Variants in UTRN observed in about 807,000 individuals in gnomAD.
UTRN encodes dystrophin-related protein 1.
UTRN carries 283 observed loss-of-function variants against 463.9 expected under a neutral mutation model. The ratio of observed to expected loss-of-function variants is 0.61; its 90% CI spans 0.55 to 0.67. The LOEUF is 0.67. UTRN is among the 30% of genes least tolerant of loss of function. UTRN has a pLI of 0.00. For missense variants in UTRN, 3,922 were observed against 4,084.3 expected (o/e 0.96, Z 1.08); for synonymous variants, 1,442 against 1,431.5 (o/e 1.01, Z -0.17).
At chr6:144,501,149 C>T (rs1019386034) in intron 34 of UTRN, among the ~76,000 whole-genome samples, 2 of 152,060 alleles carry the variant, frequency 1.3e-5, no homozygotes, top group South Asian at 4.1e-4. Context: ...TCATGAAAAG[C>T]GTGATCATGC....
At chr6:144,634,181 A>C (rs918364982) in intron 51 of UTRN, among the ~76,000 whole-genome samples, 8 of 152,242 alleles carry the variant, frequency 5.3e-5, no homozygotes, top group African/African-American at 1.7e-4. Context: ...AGTGATCAAG[A>C]ATTCAGGATT....
intron 58 of UTRN, among the ~76,000 whole-genome samples, chr6:144,767,165 A>G (rs1248005787): frequency 2.0e-5 from 3 of 152,124 alleles, no homozygotes; most frequent in Admixed American, 6.6e-5. Context: ...TTATTAGGGA[A>G]TATAGTGCAG....
At chr6:144,779,068 A>C (rs1388074362) in intron 60 of UTRN, among the ~76,000 whole-genome samples, 2 of 152,188 alleles carry the variant, frequency 1.3e-5, no homozygotes, top group Non-Finnish European at 2.9e-5. Context: ...CAGAGTGTAT[A>C]ACCAGGGAGA....
chr6:144,389,790 G>T (rs1188633496), intron 2 of UTRN, among the ~76,000 whole-genome samples: 1 of 152,038 alleles, frequency 6.6e-6, no homozygotes, highest in Non-Finnish European at 1.5e-5. Flanking sequence ...CTAGAGACAG[G>T]GTTTTACCAT....
intron 51 of UTRN, among the ~76,000 whole-genome samples, chr6:144,667,098 A>G (rs1780490278): frequency 6.6e-6 from 1 of 151,822 alleles, no homozygotes; most frequent in African/African-American, 2.4e-5. Context: ...TCTGTCATCC[A>G]GGCTGGAGTG....
At chr6:144,499,951 T>A (rs1794026419) in intron 34 of UTRN, among the ~76,000 whole-genome samples, 1 of 152,234 alleles carries the variant, frequency 6.6e-6, no homozygotes, top group South Asian at 2.1e-4. Context: ...GATTTCATTC[T>A]TTTTTATGGT....
intron 51 of UTRN, among the ~76,000 whole-genome samples, chr6:144,631,253 T>TGTGTGTGTGC (rs1776490824): frequency 2.0e-5 from 3 of 151,682 alleles, no homozygotes; most frequent in Non-Finnish European, 4.4e-5. Flanking sequence ...TGTGTGTGTG[T>TGTGTGTGTGC]GTGTGTGTGT....
intron 53 of UTRN, among the ~76,000 whole-genome samples, chr6:144,715,061 C>T (rs765348634): frequency 6.6e-6 from 1 of 152,154 alleles, no homozygotes; most frequent in East Asian, 1.9e-4. Flanking sequence ...AAAATGCCAT[C>T]TATATGCCAA....
intron 43 of UTRN, among the ~76,000 whole-genome samples, chr6:144,535,614 C>T (rs7762641): frequency 0.017 from 2,600 of 152,256 alleles, 90 homozygotes; most frequent in African/African-American, 0.059. Context: ...TGTAAATTAA[C>T]GCTAAACTTC....
intron 51 of UTRN, among the ~76,000 whole-genome samples, chr6:144,602,617 G>T (rs903546919): frequency 1.3e-5 from 2 of 152,146 alleles, no homozygotes; most frequent in African/African-American, 4.8e-5. Context: ...ATAGTGGTGG[G>T]AGTAGATTAA....
chr6:144,531,860 G>A (rs538670570), intron 42 of UTRN, among the ~76,000 whole-genome samples: 13 of 152,176 alleles, frequency 8.5e-5, no homozygotes, highest in African/African-American at 1.2e-4. Context: ...TAATGTGGCC[G>A]GGCGCGGTGC....
At chr6:144,633,006 C>T (rs998714858) in intron 51 of UTRN, among the ~76,000 whole-genome samples, 2 of 152,110 alleles carry the variant, frequency 1.3e-5, no homozygotes, top group Non-Finnish European at 2.9e-5. Flanking sequence ...CAGGCATGAG[C>T]CACCATGCCT....
At chr6:144,696,298 G>T (rs945062532) in intron 52 of UTRN, among the ~76,000 whole-genome samples, 1 of 151,710 alleles carries the variant, frequency 6.6e-6, no homozygotes, top group Non-Finnish European at 1.5e-5. Flanking sequence ...TCCAATGATA[G>T]AAATTATCTA....
At chr6:144,557,124 A>G (rs751598587) in intron 49 of UTRN, 33 bp from the exon 50 acceptor site, 13 of 1,601,032 alleles carry the variant, frequency 8.1e-6, no homozygotes, top group Middle Eastern at 1.7e-4. Flanking sequence ...TGAGTGACCA[A>G]GTCTAACAAA....
intron 2 of UTRN, among the ~76,000 whole-genome samples, chr6:144,366,029 C>T (rs1244730223): frequency 2.2e-5 from 3 of 139,182 alleles, no homozygotes; most frequent in Non-Finnish European, 4.4e-5. Flanking sequence ...TGAGCCACCG[C>T]ACCTGGCCTG....
At chr6:144,303,722 C>A (rs1805491259) in intron 2 of UTRN, among the ~76,000 whole-genome samples, 1 of 152,112 alleles carries the variant, frequency 6.6e-6, no homozygotes, top group Non-Finnish European at 1.5e-5. Flanking sequence ...ATACTATTAA[C>A]AGTTCTTTGA....
chr6:144,629,279 C>T (rs751748405), intron 51 of UTRN, among the ~76,000 whole-genome samples: 3 of 151,790 alleles, frequency 2.0e-5, no homozygotes, highest in African/African-American at 2.4e-5. Flanking sequence ...TAGTGTACTG[C>T]GTCCTAAATG....
rs1294122714 is a variant in UTRN, at chr6:144,331,160, C to G, written c.79+39253C>G. ...TAAATTATTTTGTCCTCTGGGTGAC[C>G]TAGGAAGTTTTTAAAAGACGTTTTT... is the stretch of plus-strand genomic sequence containing the variant. On this transcript the variant is annotated intron_variant, in intron 2 of 74. Coordinates refer to ENST00000367545, the MANE Select transcript of UTRN (RefSeq NM_007124.3). 1.7e-5 allele frequency: 8 copies of G among 477,960 alleles called. No individual in the cohort carries two copies. The South Asian group carries it at 6.2e-4, about 37-fold the overall frequency. The allele number at this position is 477,960 out of a possible 1,614,324, so 29.6% of individuals were successfully genotyped here.
In UTRN at chr6:144,698,944, C is replaced by T. The variant is rs1242581537; in HGVS notation, c.7653-1143C>T. Among the ~76,000 whole-genome samples, 4 of 152,172 alleles carry T rather than the reference C, an allele frequency of 2.6e-5. No homozygotes were observed. The South Asian group carries it at 6.2e-4, about 24-fold the overall frequency. ...GAGTATAAAGTACTGCAGTGACTTT[C>T]GCCCAACTGTTCTCTATTCACACTG... On this transcript the variant is annotated intron_variant, in intron 52 of 74. Coordinates refer to ENST00000367545, the MANE Select transcript of UTRN (RefSeq NM_007124.3).
Sources: gnomAD v4.1 joint callset for allele counts (sites outside exome capture counted in the v4.1 genomes callset) on GRCh38, gnomAD v4.1.1 for gene constraint, MANE v1.5 for transcripts, NCBI Gene and HGNC (gene_info 2026-07-23, HGNC 2026-07-21) for gene names.